TMEM238L: variants seen among roughly 807,000 people sequenced by gnomAD.
The protein encoded by TMEM238L is transmembrane protein 238-like.
chr17:10,802,440 C>T (rs1231813012), intron 1 of TMEM238L: 2 of 152,238 alleles, frequency 1.3e-5, no homozygotes, highest in South Asian at 2.1e-4. Context: ...TGGCCAAAAA[C>T]ACCCAGCTAA....
intron 1 of TMEM238L, among the ~76,000 whole-genome samples, chr17:10,799,877 A>G (rs957205089): frequency 5.3e-5 from 8 of 151,318 alleles, no homozygotes; most frequent in Admixed American, 1.3e-4. Flanking sequence ...CCCAGGCCCA[A>G]TTCCCTTCCA....
intron 1 of TMEM238L, among the ~76,000 whole-genome samples, chr17:10,801,477 C>A (rs1402944985): frequency 6.6e-6 from 1 of 152,180 alleles, no homozygotes; most frequent in South Asian, 2.1e-4. Flanking sequence ...ATCTCCCTGT[C>A]GTCTTTTATT....
intron 1 of TMEM238L, among the ~76,000 whole-genome samples, chr17:10,799,737 T>C (rs1648975670): frequency 6.6e-6 from 1 of 152,180 alleles, no homozygotes; most frequent in African/African-American, 2.4e-5. Context: ...ATCAGAAACT[T>C]GTGTTCATGT....
At chr17:10,795,808 A>G (rs2151520740) in exon 2 of TMEM238L, 1 of 152,408 alleles carries the variant, frequency 6.6e-6, no homozygotes, top group African/African-American at 2.4e-5. Context: ...GAAGCCTGGC[A>G]TCACAGCCAT....
At chr17:10,797,225 G>C (rs1410393993) in intron 1 of TMEM238L, among the ~76,000 whole-genome samples, 1 of 151,138 alleles carries the variant, frequency 6.6e-6, no homozygotes, top group African/African-American at 2.4e-5. Context: ...TAATAGAGAG[G>C]AATAATAATG....
chr17:10,802,433 C>T (rs139812838), intron 1 of TMEM238L: 1 of 152,274 alleles, frequency 6.6e-6, no homozygotes, highest in Non-Finnish European at 1.5e-5. Flanking sequence ...TGCAACCTGG[C>T]CAAAAACACC....
intron 1 of TMEM238L, among the ~76,000 whole-genome samples, chr17:10,801,975 G>T (rs1209164016): frequency 1.3e-5 from 2 of 152,070 alleles, no homozygotes; most frequent in Non-Finnish European, 2.9e-5. Context: ...TGGAGATGGG[G>T]TTTCACCATG....
chr17:10,795,639 C>T (rs1027829348), exon 2 of TMEM238L: 2 of 152,240 alleles, frequency 1.3e-5, no homozygotes, highest in African/African-American at 2.4e-5. Flanking sequence ...AGAAGAACTA[C>T]AGAGGATGAG....
exon 2 of TMEM238L, chr17:10,795,437 T>A (rs1867271): frequency 0.5 from 75,573 of 152,128 alleles, 20,031 homozygotes; most frequent in Non-Finnish European, 0.58. Context: ...CATTGGAATA[T>A]GTCACCATGT....
chr17:10,796,186 A>AAT (rs1278313528), intron 1 of TMEM238L, among the ~76,000 whole-genome samples: 9 of 152,202 alleles, frequency 5.9e-5, no homozygotes. Context: ...GTAAGCACTG[A>AAT]ATGAGATCAT....
At chr17:10,798,479 G>C (rs1383438000) in intron 1 of TMEM238L, among the ~76,000 whole-genome samples, 1 of 152,204 alleles carries the variant, frequency 6.6e-6, no homozygotes. Context: ...AGCTCCACTG[G>C]CCTCCTCTGT....
chr17:10,803,822 T>C (rs1904818622), exon 1 of TMEM238L: 2 of 399,610 alleles, frequency 5.0e-6, no homozygotes, highest in East Asian at 7.1e-5. Context: ...CCTGTGTAGA[T>C]GAAGAAGTCC....
intron 1 of TMEM238L, among the ~76,000 whole-genome samples, chr17:10,798,199 C>T (rs374528831): frequency 1.7e-4 from 26 of 152,164 alleles, no homozygotes; most frequent in African/African-American, 5.3e-4. Context: ...ACACACAGCA[C>T]GCTTCCCCCA....
chr17:10,800,299 T>C (rs2151523133), intron 1 of TMEM238L, among the ~76,000 whole-genome samples: 1 of 152,124 alleles, frequency 6.6e-6, no homozygotes, highest in Non-Finnish European at 1.5e-5. Flanking sequence ...TGGAGGAGGG[T>C]TGGGCAGCCC....
chr17:10,800,493 A>G (rs1029163667), intron 1 of TMEM238L, among the ~76,000 whole-genome samples: 6 of 152,234 alleles, frequency 3.9e-5, no homozygotes, highest in Admixed American at 3.3e-4. Context: ...ATTCAGTCTC[A>G]TATCTACTGA....
At chr17:10,803,194 A>G (rs1904798402) in intron 1 of TMEM238L, among the ~76,000 whole-genome samples, 1 of 152,142 alleles carries the variant, frequency 6.6e-6, no homozygotes, top group East Asian at 1.9e-4. Context: ...CAAGGGCACA[A>G]GAGTCATTGG....
At chr17:10,801,022 C>T (rs1409290482) in intron 1 of TMEM238L, among the ~76,000 whole-genome samples, 1 of 151,542 alleles carries the variant, frequency 6.6e-6, no homozygotes, top group African/African-American at 2.4e-5. Context: ...CCTGCCTCTG[C>T]TTATATCTCT....
At chr17:10,800,216 G>A (rs1212588356) in intron 1 of TMEM238L, among the ~76,000 whole-genome samples, 3 of 152,058 alleles carry the variant, frequency 2.0e-5, no homozygotes, top group Non-Finnish European at 4.4e-5. Flanking sequence ...ACAGGCGTGA[G>A]CCACCAGGCC....
At chr17:10,802,816 T>G (rs1904787716) in intron 1 of TMEM238L, among the ~76,000 whole-genome samples, 1 of 152,198 alleles carries the variant, frequency 6.6e-6, no homozygotes, top group South Asian at 2.1e-4. Context: ...CCACTCTATC[T>G]CTGGGACTCT....
Sources: gnomAD v4.1 joint callset for allele counts (sites outside exome capture counted in the v4.1 genomes callset) on GRCh38, gnomAD v4.1.1 for gene constraint, MANE v1.5 for transcripts, NCBI Gene and HGNC (gene_info 2026-07-23, HGNC 2026-07-21) for gene names.